The following SPTY2D1 variants were observed in gnomAD, a reference collection of about 807,000 sequenced individuals.
SPTY2D1 encodes the protein protein SPT2 homolog.
A neutral mutation model predicts 64.0 loss-of-function variants in SPTY2D1; 21 were observed. The observed-to-expected ratio is 0.33, with a 90% CI of 0.23 to 0.47. The LOEUF (loss-of-function observed/expected upper bound fraction) is 0.47, where lower values mean the gene tolerates loss of function less well. Ranked by LOEUF, SPTY2D1 falls within the 20% of genes least tolerant of loss-of-function variation. The probability of loss-of-function intolerance (pLI) is 1.00; values close to 1 mark genes in which losing one functional copy is unlikely to be tolerated. For missense variants in SPTY2D1, 724 were observed against 837.2 expected (o/e 0.86, Z 1.67); for synonymous variants, 287 against 286.8 (o/e 1.00, Z -0.01).
chr11:18,626,604 T>A (rs1248188061), intron 1 of SPTY2D1, among the ~76,000 whole-genome samples: 1 of 152,222 alleles, frequency 6.6e-6, no homozygotes, highest in African/African-American at 2.4e-5. Flanking sequence ...CTGGATTAGA[T>A]TCTCTGCTCT....
intron 4 of SPTY2D1, among the ~76,000 whole-genome samples, chr11:18,611,885 A>G (rs563813629): frequency 6.6e-6 from 1 of 152,216 alleles, no homozygotes; most frequent in Non-Finnish European, 1.5e-5. Context: ...TATATATGAA[A>G]ATTATTTTAT....
chr11:18,621,524 C>G (rs916679854), intron 1 of SPTY2D1, among the ~76,000 whole-genome samples: 3 of 151,974 alleles, frequency 2.0e-5, no homozygotes, highest in African/African-American at 7.3e-5. Context: ...ATTTATATGT[C>G]AACTTCAAAT....
intron 2 of SPTY2D1, 137 bp downstream of exon 2, chr11:18,616,732 GACACAC>G (rs72301459): frequency 5.3e-3 from 2,494 of 470,492 alleles, no homozygotes; most frequent in South Asian, 8.3e-3. Flanking sequence ...AGTTAACCTG[GACACAC>G]ACACACACAC....
chr11:18,616,261 G>T (rs1323795924), intron 2 of SPTY2D1, among the ~76,000 whole-genome samples, 163 bp from the exon 3 acceptor site: 1 of 152,186 alleles, frequency 6.6e-6, no homozygotes, highest in African/African-American at 2.4e-5. Context: ...CATAATGAGT[G>T]GGAGACATAT....
chr11:18,613,720 C>T (rs1182938511), intron 3 of SPTY2D1, among the ~76,000 whole-genome samples: 1 of 152,180 alleles, frequency 6.6e-6, no homozygotes, highest in East Asian at 1.9e-4. Context: ...TTTAATAAAT[C>T]TCTATTAGCA....
chr11:18,619,364 A>G (rs1854352933), intron 1 of SPTY2D1, among the ~76,000 whole-genome samples: 1 of 151,900 alleles, frequency 6.6e-6, no homozygotes, highest in Non-Finnish European at 1.5e-5. Context: ...CAAGCCTGTA[A>G]TCCTAGCACT....
chr11:18,615,561 A>G lies in SPTY2D1; in HGVS notation c.713T>C (p.Val238Ala). ...AGAACCTTTGCTAAGTTTTGTGCCC[A>G]CACTTTCTTTCTGAGAGGGTGCCTT... The part of the protein sequence containing the change: ...SKKAPSQKES[V>A]GTKLSKGSGD... The change falls in exon 3 of 6, where the codon GTG (valine) becomes GCG (alanine). Residue 238 changes from valine to alanine, a missense_variant. This residue lies in a region of SPTY2D1 where 426 missense variants were observed against 431.8 expected (regional missense o/e 0.99). Transcript: ENST00000336349. 6.2e-7 allele frequency: 1 copy of G among 1,614,210 alleles called. No homozygotes were observed.
intron 1 of SPTY2D1, among the ~76,000 whole-genome samples, chr11:18,623,187 T>C (rs1407043616): frequency 6.6e-6 from 1 of 152,196 alleles, no homozygotes; most frequent in African/African-American, 2.4e-5. Context: ...AAAAAAAACT[T>C]ATTGGAAAAA....
Position 18,611,625 on chromosome 11 carries a change from T to TA in SPTY2D1, c.1887-72dup, listed in dbSNP as rs1308540294. On this transcript the variant is annotated intron_variant, in intron 4 of 5. Coordinates refer to ENST00000336349, the MANE Select transcript of SPTY2D1 (RefSeq NM_194285.3). ...TCTAAAGGAACTACGTCCTCTCATT[T>TA]AAAAAATCAATATCTCCTTTAAAAC... 4.0e-6 allele frequency: 5 copies of TA among 1,251,994 alleles called. No individual in the cohort carries two copies. The African/African-American group carries it at 6.0e-5, about 15-fold the overall frequency. The allele number at this position is 1,251,994 out of a possible 1,614,324, so 77.6% of individuals were successfully genotyped here.
At chr11:18,631,651 G>A (rs1195183467) in intron 1 of SPTY2D1, among the ~76,000 whole-genome samples, 3 of 143,744 alleles carry the variant, frequency 2.1e-5, no homozygotes, top group Non-Finnish European at 4.5e-5. Flanking sequence ...TAAAATAGAT[G>A]GCAAAAAAAG....
chr11:18,620,774 C>T lies in SPTY2D1; in HGVS notation c.61-3785G>A, dbSNP rs11024736. Among the ~76,000 whole-genome samples, 135 of 150,684 alleles carry T rather than the reference C, an allele frequency of 9.0e-4. No homozygotes were observed. The East Asian group carries it at 0.021, about 23-fold the overall frequency. ...TGGTGGTGGGCACCTGTAGTCCCAG[C>T]TACTCGGAAGGCTGAGGCAGGAGAA... On this transcript the variant is annotated intron_variant, in intron 1 of 5. Coordinates refer to ENST00000336349, the MANE Select transcript of SPTY2D1 (RefSeq NM_194285.3).
At position 18,609,899 on chromosome 11, in the gene SPTY2D1, T is replaced by C. The variant is rs1554987340; in HGVS notation, c.2020A>G (p.Met674Val). The C allele has an allele frequency of 6.2e-7, 1 of 1,614,176 alleles. No individual in the cohort carries two copies. Residue 674 changes from methionine to valine, a missense_variant, in exon 6 of 6, where the codon ATG becomes GTG. Coordinates refer to ENST00000336349, the MANE Select transcript of SPTY2D1 (RefSeq NM_194285.3). ...AGCTTCTTGGCCCTTCGACGTTGCA[T>C]TTCTTCTTCTTCACGTCTCATTTCC... ...LEEMRREEEE[M>V]QRRRAKKLKR...
At chr11:18,625,272 T>C (rs1422793567) in intron 1 of SPTY2D1, among the ~76,000 whole-genome samples, 1 of 152,220 alleles carries the variant, frequency 6.6e-6, no homozygotes, top group East Asian at 1.9e-4. Context: ...GCTGGATGGC[T>C]AAGAGGATAA....
chr11:18,628,488 A>G (rs935563408), intron 1 of SPTY2D1, among the ~76,000 whole-genome samples: 1 of 152,086 alleles, frequency 6.6e-6, no homozygotes, highest in African/African-American at 2.4e-5. Context: ...CCAGTGGAGA[A>G]TCATGTTTAT....
At chr11:18,629,459 G>A (rs909438304) in intron 1 of SPTY2D1, among the ~76,000 whole-genome samples, 6 of 151,984 alleles carry the variant, frequency 3.9e-5, no homozygotes, top group Admixed American at 6.6e-5. Context: ...AGCCCAGATC[G>A]CTCACTGCAT....
chr11:18,633,123 T>C (rs572531064), intron 1 of SPTY2D1, among the ~76,000 whole-genome samples: 119 of 141,210 alleles, frequency 8.4e-4, no homozygotes, highest in Non-Finnish European at 1.6e-3. Flanking sequence ...TACATATATT[T>C]ATAAACATAA....
chr11:18,623,007 C>T (rs564520077), intron 1 of SPTY2D1, among the ~76,000 whole-genome samples: 2 of 151,274 alleles, frequency 1.3e-5, no homozygotes, highest in South Asian at 2.1e-4. Context: ...CCATGTATAA[C>T]TTTTGACTGC....
chr11:18,615,253 C>T lies in SPTY2D1; in HGVS notation c.1021G>A (p.Ala341Thr). The change falls in exon 3 of 6, where the codon GCC becomes ACC. Residue 341 changes from alanine to threonine, a missense_variant. Physicochemically the swap from Ala to Thr is moderately conservative, Grantham distance 58 (BLOSUM62 0). Transcript: ENST00000336349. The part of the protein sequence containing the change: ...RTQKSAVEHK[A>T]KKSLSHPSHS... ...CTAGGATGGGACAGAGATTTTTTGG[C>T]TTTGTGCTCAACAGCAGATTTCTGA... 1 of 1,614,164 alleles carries T rather than the reference C, an allele frequency of 6.2e-7. No homozygotes were observed. Among genetic ancestry groups the T allele is most frequent in the South Asian group, 1.1e-5 (1 of 91,082 alleles).
intron 1 of SPTY2D1, among the ~76,000 whole-genome samples, chr11:18,627,757 T>C (rs112132257): frequency 2.1e-3 from 315 of 152,070 alleles, no homozygotes; most frequent in African/African-American, 7.2e-3. Flanking sequence ...CGGATGCCTA[T>C]AGTCCCAGCT....
Sources: allele counts gnomAD v4.1 joint callset (sites outside exome capture counted in the v4.1 genomes callset), GRCh38; gene constraint gnomAD v4.1.1; regional missense constraint gnomAD v4.1.1; transcripts MANE v1.5; gene names NCBI Gene and HGNC (gene_info 2026-07-23, HGNC 2026-07-21).